IL1RAPL2: variants seen among roughly 807,000 people sequenced by gnomAD.
IL1RAPL2 encodes the protein X-linked interleukin-1 receptor accessory protein-like 2.
IL1RAPL2 carries 3 observed loss-of-function variants against 44.1 expected under a neutral mutation model. The ratio of observed to expected loss-of-function variants is 0.07; its 90% CI spans 0.03 to 0.18. The LOEUF (loss-of-function observed/expected upper bound fraction) is 0.18, where lower values mean the gene tolerates loss of function less well. IL1RAPL2 is among the 10% of genes least tolerant of loss of function. The probability of loss-of-function intolerance (pLI) is 1.00; values close to 1 mark genes in which losing one functional copy is unlikely to be tolerated. For synonymous variants in IL1RAPL2, 181 were observed against 178.8 expected (o/e 1.01, Z -0.10); for missense variants, 391 against 496.4 (o/e 0.79, Z 2.02).
At chrX:104,885,756 A>G (rs1923220835) in intron 2 of IL1RAPL2, among the ~76,000 whole-genome samples, 1 of 112,531 alleles carries the variant, frequency 8.9e-6, no homozygotes, top group African/African-American at 3.2e-5. Context: ...GAGCAGGCCA[A>G]TCACCTGGTA....
At chrX:105,445,567 A>G (rs1411736475) in intron 5 of IL1RAPL2, among the ~76,000 whole-genome samples, 1 of 110,866 alleles carries the variant, frequency 9.0e-6, no homozygotes, top group African/African-American at 3.3e-5. Context: ...GCTATATCCC[A>G]TAGGTTTTGT....
intron 1 of IL1RAPL2, among the ~76,000 whole-genome samples, chrX:104,644,977 T>C (rs746921880): frequency 5.5e-4 from 61 of 111,818 alleles, no homozygotes; most frequent in African/African-American, 1.9e-3. Context: ...AGGACACTTT[T>C]GAGCCTCTGA....
chrX:104,908,492 A>G (rs1025623220), intron 2 of IL1RAPL2, among the ~76,000 whole-genome samples: 1 of 111,130 alleles, frequency 9.0e-6, no homozygotes, highest in African/African-American at 3.3e-5. Flanking sequence ...CTTTTAGGGC[A>G]GGCCTGGTGG....
intron 5 of IL1RAPL2, among the ~76,000 whole-genome samples, chrX:105,425,960 G>C (rs1279200692): frequency 9.3e-6 from 1 of 107,302 alleles, no homozygotes; most frequent in Admixed American, 1.0e-4. Context: ...TGTAACACTT[G>C]TCTATTTCTG....
At chrX:105,673,956 A>G (rs1569464177) in intron 6 of IL1RAPL2, among the ~76,000 whole-genome samples, 1 of 111,776 alleles carries the variant, frequency 8.9e-6, no homozygotes, top group Non-Finnish European at 1.9e-5. Context: ...TGTGGGCTGT[A>G]TGAATGTCTT....
chrX:104,658,471 G>T (rs757322170), intron 1 of IL1RAPL2, among the ~76,000 whole-genome samples: 2 of 111,831 alleles, frequency 1.8e-5, no homozygotes, highest in East Asian at 5.7e-4. Flanking sequence ...CTGGTGGGGT[G>T]GGAGGCAGGG....
At chrX:105,243,892 A>G (rs1823112671) in intron 4 of IL1RAPL2, among the ~76,000 whole-genome samples, 1 of 111,299 alleles carries the variant, frequency 9.0e-6, no homozygotes, top group Non-Finnish European at 1.9e-5. Context: ...TTGGGTGGGA[A>G]AATAACTAAG....
chrX:104,902,435 T>G (rs1321638769), intron 2 of IL1RAPL2, among the ~76,000 whole-genome samples: 3 of 112,052 alleles, frequency 2.7e-5, no homozygotes, highest in Non-Finnish European at 3.8e-5. Flanking sequence ...CGAGCCCTCA[T>G]CAAGAGTAAG....
intron 6 of IL1RAPL2, among the ~76,000 whole-genome samples, chrX:105,596,242 T>C (rs1450235790): frequency 9.0e-6 from 1 of 111,103 alleles, no homozygotes; most frequent in African/African-American, 3.3e-5. Context: ...ATTTGTTTTT[T>C]TATTTGAAAT....
At chrX:105,290,605 T>C (rs1288855397) in intron 5 of IL1RAPL2, among the ~76,000 whole-genome samples, 2 of 111,667 alleles carry the variant, frequency 1.8e-5, no homozygotes, top group Non-Finnish European at 3.8e-5. Context: ...GTCTTCTGTA[T>C]TGGAGGAGTT....
chrX:105,078,257 G>T (rs1466957771), intron 2 of IL1RAPL2, among the ~76,000 whole-genome samples: 3 of 111,902 alleles, frequency 2.7e-5, no homozygotes, highest in Admixed American at 1.9e-4. Flanking sequence ...TAACAGTCAG[G>T]ACCCTTAGCT....
intron 3 of IL1RAPL2, among the ~76,000 whole-genome samples, chrX:105,217,980 C>A (rs1397576518): frequency 9.0e-6 from 1 of 110,515 alleles, no homozygotes; most frequent in East Asian, 2.9e-4. Context: ...AGCATTACGA[C>A]AAATATCTAA....
chrX:105,172,162 A>C (rs954294489), intron 2 of IL1RAPL2, among the ~76,000 whole-genome samples: 1 of 112,204 alleles, frequency 8.9e-6, no homozygotes, highest in Admixed American at 9.4e-5. Context: ...GACAAAACGA[A>C]TCATCCTCCT....
At chrX:105,545,957 CTCTAGTTAGT>C (rs2036793978) in intron 6 of IL1RAPL2, among the ~76,000 whole-genome samples, 1 of 111,526 alleles carries the variant, frequency 9.0e-6, no homozygotes, top group African/African-American at 3.3e-5. Context: ...TGACTGCAGC[CTCTAGTTAGT>C]AAAGCTGTTA....
At chrX:105,706,774 T>A (rs1039255805) in intron 6 of IL1RAPL2, among the ~76,000 whole-genome samples, 2 of 111,784 alleles carry the variant, frequency 1.8e-5, no homozygotes, top group African/African-American at 6.5e-5. Context: ...TTTACTTTTT[T>A]AAATTATGCC....
At chrX:105,044,518 G>A (rs1160670474) in intron 2 of IL1RAPL2, among the ~76,000 whole-genome samples, 1 of 111,427 alleles carries the variant, frequency 9.0e-6, no homozygotes, top group Non-Finnish European at 1.9e-5. Context: ...AGCTGACCTT[G>A]GGAAAGCTAA....
At chrX:104,791,358 G>T in intron 2 of IL1RAPL2, among the ~76,000 whole-genome samples, 1 of 110,556 alleles carries the variant, frequency 9.0e-6, no homozygotes, top group East Asian at 2.9e-4. Flanking sequence ...TTAAATTTAG[G>T]AGTTCTGGGC....
chrX:104,781,837 C>T (rs1932776917), intron 2 of IL1RAPL2, among the ~76,000 whole-genome samples: 1 of 111,579 alleles, frequency 9.0e-6, no homozygotes, highest in African/African-American at 3.3e-5. Context: ...TGTTGGTTTT[C>T]CCCCGAAATT....
rs891360858 is a variant in IL1RAPL2 at position 104,863,159 on chromosome X, C to T, written c.82+204164C>T. ...AATACACTTATTAATTTTCTGTACC[C>T]CAGACTGGAACTTGGAACAGCCCAG... On this transcript the variant is annotated intron_variant, in intron 2 of 10. Transcript: ENST00000372582. Among the ~76,000 whole-genome samples, 3 of 111,401 alleles carry T rather than the reference C, an allele frequency of 2.7e-5. No individual in the cohort carries two copies. The Admixed American group carries it at 2.9e-4, about 11-fold the overall frequency.
Sources: gnomAD v4.1 joint callset for allele counts (sites outside exome capture counted in the v4.1 genomes callset) on GRCh38, gnomAD v4.1.1 for gene constraint, MANE v1.5 for transcripts, NCBI Gene and HGNC (gene_info 2026-07-23, HGNC 2026-07-21) for gene names.